Variants in AJAP1 observed in about 807,000 individuals in gnomAD.
AJAP1 encodes adherens junctions associated protein 1, also known as adherens junction-associated protein 1.
Under a neutral mutation model 35.0 loss-of-function variants are expected in AJAP1, and 5 were observed. The ratio of observed to expected loss-of-function variants is 0.14; its 90% CI spans 0.07 to 0.30. The LOEUF is 0.30. Among genes scored for constraint, AJAP1 ranks in the 10% least tolerant of loss-of-function variants. AJAP1 has a pLI of 1.00. For missense variants in AJAP1, 586 were observed against 571.0 expected (o/e 1.03, Z -0.27); for synonymous variants, 284 against 249.3 (o/e 1.14, Z -1.31).
chr1:4,745,755 G>A (rs1641173386), intron 2 of AJAP1, among the ~76,000 whole-genome samples: 1 of 152,178 alleles, frequency 6.6e-6, no homozygotes. Flanking sequence ...GTCAAAGGAG[G>A]CTGCTGGGTC....
chr1:4,687,452 C>T (rs989060330), intron 1 of AJAP1, among the ~76,000 whole-genome samples: 2 of 152,186 alleles, frequency 1.3e-5, no homozygotes, highest in African/African-American at 2.4e-5. Flanking sequence ...AGCCTTGGTC[C>T]GGGCAGCCTG....
At chr1:4,705,099 T>A (rs969781147) in intron 1 of AJAP1, among the ~76,000 whole-genome samples, 1 of 152,122 alleles carries the variant, frequency 6.6e-6, no homozygotes, top group African/African-American at 2.4e-5. Flanking sequence ...TTCTCCCATT[T>A]TGTAGGTTGC....
At chr1:4,661,022 T>A (rs1638987517) in intron 1 of AJAP1, among the ~76,000 whole-genome samples, 1 of 152,172 alleles carries the variant, frequency 6.6e-6, no homozygotes, top group African/African-American at 2.4e-5. Context: ...ACAGCTGGTT[T>A]CCTGTTTCTA....
intron 2 of AJAP1, among the ~76,000 whole-genome samples, chr1:4,751,210 G>A (rs867789037): frequency 4.1e-4 from 63 of 152,090 alleles, no homozygotes; most frequent in South Asian, 2.1e-4. Flanking sequence ...GTCTGGACCC[G>A]GCAGAGCCTT....
At chr1:4,731,054 T>C (rs1462744453) in intron 2 of AJAP1, among the ~76,000 whole-genome samples, 2 of 152,124 alleles carry the variant, frequency 1.3e-5, no homozygotes, top group Non-Finnish European at 2.9e-5. Context: ...TTTTATTTAT[T>C]TTAGGTTTTA....
chr1:4,714,342 C>G (rs1275656102), intron 2 of AJAP1, among the ~76,000 whole-genome samples: 1 of 152,194 alleles, frequency 6.6e-6, no homozygotes, highest in Non-Finnish European at 1.5e-5. Context: ...CCTGCACTGT[C>G]AGGCGCCTGC....
intron 4 of AJAP1, among the ~76,000 whole-genome samples, chr1:4,773,222 TG>T: frequency 6.6e-6 from 1 of 152,264 alleles, no homozygotes; most frequent in East Asian, 1.9e-4. Context: ...AGGAGGAGGC[TG>T]GGATCCATTG....
In AJAP1 at chr1:4,783,115, T is replaced by A; in HGVS notation, c.*630T>A. ...TTCCTTTTTAAAAAAAAGAATTGTG[T>A]TATAGGTTACAAAATCTGATTTATT... On this transcript the variant is annotated 3_prime_UTR_variant, in exon 6 of 6. Transcript: ENST00000378191. 3.0e-6 allele frequency: 1 copy of A among 328,412 alleles called. No individual in the cohort carries two copies. The highest frequency in any genetic ancestry group is 5.4e-6 in the Non-Finnish European group (1 of 184,300). The allele number at this position is 328,412 out of a possible 1,614,324, so 20.3% of individuals were successfully genotyped here.
rs114110613 is a variant in AJAP1, at chr1:4,706,489, G to A, written c.30-5411G>A. On this transcript the variant is annotated intron_variant, in intron 1 of 5. Transcript: ENST00000378191. Reference sequence around the variant, plus strand: ...CCAGAGCCAGTAAACGACAGGACCTGGAGGAGTCACGGGAAGTGGGTGTCT... The same window carrying A: ...CCAGAGCCAGTAAACGACAGGACCTAGAGGAGTCACGGGAAGTGGGTGTCT... 4.3e-3 allele frequency among the ~76,000 whole-genome samples: 657 copies of A among 152,298 alleles called. 6 individuals are homozygous for A. Among genetic ancestry groups the A allele is most frequent in the Non-Finnish European group, 6.5e-3 (444 of 68,020 alleles).
At chr1:4,729,625 C>T (rs1640753516) in intron 2 of AJAP1, among the ~76,000 whole-genome samples, 2 of 59,370 alleles carry the variant, frequency 3.4e-5, no homozygotes, top group African/African-American at 6.2e-5. Context: ...TTCCTCTGTG[C>T]GTGTCTGTGT....
Position 4,704,150 on chromosome 1 carries a change from C to T in AJAP1, c.30-7750C>T, listed in dbSNP as rs371557344. 9.7e-4 allele frequency among the ~76,000 whole-genome samples: 131 copies of T among 135,574 alleles called. 1 individual carries two copies. The highest frequency in any genetic ancestry group is 3.0e-3 in the African/African-American group (112 of 37,374). 88.9% of individuals were successfully genotyped at this position (135,574 alleles called of 152,430 possible). A position where few individuals can be genotyped will look rare whatever the true frequency, so the allele number is the denominator to read the frequency against. ...CCTCCTGTCTGTTCCAGCTGCCAAACGGGGAAGTTTTTTTTTTTTTTTATA... is the reference window on the plus strand; with the variant it reads ...CCTCCTGTCTGTTCCAGCTGCCAAATGGGGAAGTTTTTTTTTTTTTTTATA... On this transcript the variant is annotated intron_variant, in intron 1 of 5. Coordinates refer to ENST00000378191, the MANE Select transcript of AJAP1 (RefSeq NM_018836.4).
At chr1:4,659,205 C>T (rs1365128943) in intron 1 of AJAP1, among the ~76,000 whole-genome samples, 1 of 152,202 alleles carries the variant, frequency 6.6e-6, no homozygotes, top group African/African-American at 2.4e-5. Context: ...GTTTTAAATA[C>T]GTAGTTGCCA....
intron 2 of AJAP1, among the ~76,000 whole-genome samples, chr1:4,732,764 T>C (rs181424197): frequency 6.6e-4 from 100 of 152,318 alleles, no homozygotes; most frequent in African/African-American, 2.3e-3. Flanking sequence ...CTTAATACAA[T>C]GGAGATGATC....
At chr1:4,677,745 A>G (rs912019421) in intron 1 of AJAP1, among the ~76,000 whole-genome samples, 7 of 24,194 alleles carry the variant, frequency 2.9e-4, no homozygotes, top group Admixed American at 1.6e-3. Context: ...TGTGCATTCA[A>G]AAAAAAAAAT....
At chr1:4,770,532 G>C (rs1176857598) in intron 3 of AJAP1, among the ~76,000 whole-genome samples, 1 of 152,102 alleles carries the variant, frequency 6.6e-6, no homozygotes, top group Non-Finnish European at 1.5e-5. Flanking sequence ...AGAAATCAGG[G>C]GACTGCTGGG....
In AJAP1 at chr1:4,774,432, C is replaced by A; in HGVS notation, c.1169C>A (p.Ser390Tyr). The stretch of plus-strand genomic sequence containing the variant: ...CATTTTTCTGTTCACCGCAGACCCT[C>A]CTCTTCTGATCGGCATCTTATTCCT... ...YKSTFNGNRP[S>Y]SSDRHLIPVA... Residue 390 changes from serine (S) to tyrosine (Y), a missense_variant, in exon 5 of 6, where the codon TCC (serine) becomes TAC (tyrosine). Coordinates refer to ENST00000378191, the MANE Select transcript of AJAP1 (RefSeq NM_018836.4). 1.2e-6 allele frequency: 2 copies of A among 1,614,222 alleles called. No homozygotes were observed. The highest frequency in any genetic ancestry group is 2.2e-5 in the South Asian group (2 of 91,082).
chr1:4,729,464 G>A (rs982463180), intron 2 of AJAP1, among the ~76,000 whole-genome samples: 5 of 152,158 alleles, frequency 3.3e-5, no homozygotes, highest in Non-Finnish European at 7.3e-5. Flanking sequence ...GGGTGACCTC[G>A]AGACTCACGG....
chr1:4,744,051 TG>T (rs1641131621), intron 2 of AJAP1, among the ~76,000 whole-genome samples: 1 of 152,112 alleles, frequency 6.6e-6, no homozygotes, highest in Non-Finnish European at 1.5e-5. Flanking sequence ...AAAGGGGTCA[TG>T]GGACGAGAGT....
chr1:4,740,200 C>T (rs1348684541), intron 2 of AJAP1, among the ~76,000 whole-genome samples: 8 of 151,596 alleles, frequency 5.3e-5, no homozygotes. Context: ...AAGGAAATTA[C>T]AGCATATGAT....
Sources: allele counts gnomAD v4.1 joint callset (sites outside exome capture counted in the v4.1 genomes callset), GRCh38; gene constraint gnomAD v4.1.1; transcripts MANE v1.5; gene names NCBI Gene and HGNC (gene_info 2026-07-23, HGNC 2026-07-21).